ACACB: variants seen among roughly 807,000 people sequenced by gnomAD.
ACACB encodes acetyl-CoA carboxylase beta.
A neutral mutation model predicts 278.8 loss-of-function variants in ACACB; 209 were observed. The observed-to-expected ratio is 0.75, with a 90% CI of 0.67 to 0.84. The LOEUF is 0.84. Ranked by LOEUF, ACACB falls within the 40% of genes least tolerant of loss-of-function variation. ACACB has a pLI of 0.00. For synonymous variants in ACACB, 1,174 were observed against 1,285.6 expected, an observed-to-expected ratio of 0.91 and a Z score of 1.86; for missense variants, 2,850 against 3,269.0, an observed-to-expected ratio of 0.87 and a Z score of 3.13.
At chr12:109,198,082 G>A (rs1311186981) in intron 17 of ACACB, among the ~76,000 whole-genome samples, 1 of 151,984 alleles carries the variant, frequency 6.6e-6, no homozygotes, top group Non-Finnish European at 1.5e-5. Flanking sequence ...ATTTTTTGTA[G>A]AGACGGGGTT....
chr12:109,195,000 TCTC>T (rs2045065366), intron 16 of ACACB, among the ~76,000 whole-genome samples: 4 of 152,246 alleles, frequency 2.6e-5, no homozygotes, highest in African/African-American at 9.6e-5. Flanking sequence ...TTCCGGTTGC[TCTC>T]CTCTGTCAGA....
At chr12:109,260,944 G>A (rs1451244529) in intron 48 of ACACB, among the ~76,000 whole-genome samples, 1 of 152,210 alleles carries the variant, frequency 6.6e-6, no homozygotes, top group African/African-American at 2.4e-5. Context: ...GTTCCTATAG[G>A]AAATGTTTTA....
At chr12:109,123,661 C>T (rs1416533385) in intron 1 of ACACB, among the ~76,000 whole-genome samples, 7 of 150,004 alleles carry the variant, frequency 4.7e-5, no homozygotes, top group East Asian at 2.0e-4. Context: ...CCACTACACT[C>T]CAGCCTGGGT....
intron 44 of ACACB, among the ~76,000 whole-genome samples, chr12:109,255,769 C>T (rs557913684): frequency 1.8e-4 from 27 of 152,266 alleles, no homozygotes; most frequent in African/African-American, 6.3e-4. Flanking sequence ...ATGAGTTTTT[C>T]GGGAAAGGTG....
At chr12:109,251,901 C>T in intron 41 of ACACB, 145 bp from the exon 42 acceptor site, 1 of 545,580 alleles carries the variant, frequency 1.8e-6, no homozygotes, top group East Asian at 3.1e-5. Context: ...GCTTTTGCCT[C>T]TACTGTGGTT....
chr12:109,235,809 G>T (rs1364019311), intron 33 of ACACB, 162 bp downstream of exon 33: 2 of 610,002 alleles, frequency 3.3e-6, no homozygotes, highest in Admixed American at 6.5e-5. Context: ...ACCAGCCTGG[G>T]TTATATAGTG....
Position 109,185,289 on chromosome 12 carries a change from G to A in ACACB, c.1819-290G>A, listed in dbSNP as rs2300456. On this transcript the variant is annotated intron_variant, in intron 11 of 52. Transcript: ENST00000338432. ...CTTCTCACCTTCCCTAGCTCTAAAA[G>A]TCTAGTGCTTTTACTTGATGCATGT... 7.2e-3 allele frequency among the ~76,000 whole-genome samples: 1,091 copies of A among 152,264 alleles called. 45 individuals are homozygous for A. In the East Asian group the frequency reaches 0.12, roughly 17 times the overall value.
chr12:109,192,786 C>A (rs2044940418), intron 15 of ACACB, among the ~76,000 whole-genome samples: 1 of 151,932 alleles, frequency 6.6e-6, no homozygotes, highest in African/African-American at 2.4e-5. Context: ...CTCAGCCTCC[C>A]AAGTAGTTGG....
At chr12:109,181,479 C>G (rs1388634716) in intron 11 of ACACB, among the ~76,000 whole-genome samples, 1 of 152,084 alleles carries the variant, frequency 6.6e-6, no homozygotes, top group Non-Finnish European at 1.5e-5. Flanking sequence ...CTGCCCACCT[C>G]AACTTCCCAA....
chr12:109,241,653 C>T (rs774899955), intron 36 of ACACB: 1 of 270,574 alleles, frequency 3.7e-6, no homozygotes, highest in Non-Finnish European at 7.3e-6. Flanking sequence ...GGCCATATGG[C>T]CATATTTGGG....
intron 7 of ACACB, among the ~76,000 whole-genome samples, chr12:109,174,540 T>G (rs1166740065): frequency 7.8e-5 from 11 of 141,864 alleles, no homozygotes; most frequent in Non-Finnish European, 1.5e-4. Context: ...TCTGGCCATA[T>G]TCTTTGGGAA....
At chr12:109,182,677 T>A (rs1264327724) in intron 11 of ACACB, among the ~76,000 whole-genome samples, 2 of 152,176 alleles carry the variant, frequency 1.3e-5, no homozygotes, top group Non-Finnish European at 2.9e-5. Context: ...TCCTTGAGCT[T>A]CTTATGTATT....
chr12:109,204,679 C>G (rs150607103), intron 19 of ACACB, among the ~76,000 whole-genome samples: 1 of 152,204 alleles, frequency 6.6e-6, no homozygotes, highest in Non-Finnish European at 1.5e-5. Flanking sequence ...GCAGCCATCA[C>G]TCTACATTCT....
chr12:109,166,746 G>A, intron 2 of ACACB, 115 bp from the exon 3 acceptor site: 1 of 1,319,514 alleles, frequency 7.6e-7, no homozygotes, highest in Non-Finnish European at 1.0e-6. Context: ...CAAGTGCAAA[G>A]CAGGGGGGCT....
rs374601185 is a variant in ACACB, at chr12:109,265,147, A to G, written c.6980A>G (p.Tyr2327Cys). Residue 2327 changes from tyrosine to cysteine, a missense_variant, in exon 51 of 53, where the codon TAT becomes TGT. By Grantham distance (194) the Tyr-to-Cys change is radical. Coordinates refer to ENST00000338432, the MANE Select transcript of ACACB (RefSeq NM_001093.4). ...TGGAAGACCGCACGCACCTTCCTGT[A>G]TTGGCGTCTGCGCCGCCTCCTCCTG... ...LEWKTARTFLYWRLRRLLLED... is the reference protein window; with the variant it reads ...LEWKTARTFLCWRLRRLLLED... The G allele has an allele frequency of 6.2e-7, 1 of 1,613,596 alleles. No homozygotes were observed. Among genetic ancestry groups the G allele is most frequent in the Non-Finnish European group, 8.5e-7 (1 of 1,179,792 alleles).
chr12:109,247,499 A>G (rs957746675), intron 39 of ACACB, 107 bp from the exon 40 acceptor site: 7 of 760,106 alleles, frequency 9.2e-6, no homozygotes, highest in Non-Finnish European at 1.6e-5. Flanking sequence ...ACATGTTACT[A>G]ACATGTTATT....
At chr12:109,222,342 A>G (rs989793951) in intron 24 of ACACB, among the ~76,000 whole-genome samples, 165 bp from the exon 25 acceptor site, 1 of 134,034 alleles carries the variant, frequency 7.5e-6, no homozygotes, top group Non-Finnish European at 1.7e-5. Flanking sequence ...GGGTGGGTGC[A>G]CAGTAGAAAG....
chr12:109,151,323 C>T (rs919422938), intron 2 of ACACB, among the ~76,000 whole-genome samples: 25 of 152,176 alleles, frequency 1.6e-4, no homozygotes, highest in African/African-American at 6.0e-4. Context: ...AAGAGGATCC[C>T]TGTCTTTGAG....
At chr12:109,129,973 A>G (rs1377833347) in intron 1 of ACACB, among the ~76,000 whole-genome samples, 4 of 152,210 alleles carry the variant, frequency 2.6e-5, no homozygotes, top group African/African-American at 9.6e-5. Context: ...TTGAGTGACT[A>G]CATGAATCTT....
Sources: allele counts gnomAD v4.1 joint callset (sites outside exome capture counted in the v4.1 genomes callset), GRCh38; gene constraint gnomAD v4.1.1; transcripts MANE v1.5; gene names NCBI Gene and HGNC (gene_info 2026-07-23, HGNC 2026-07-21).